SDK1: variants seen among roughly 807,000 people sequenced by gnomAD.
SDK1 encodes protein sidekick-1.
A neutral mutation model predicts 245.5 loss-of-function variants in SDK1; 157 were observed. The ratio of observed to expected loss-of-function variants is 0.64; its 90% CI spans 0.56 to 0.73. The LOEUF (loss-of-function observed/expected upper bound fraction) is 0.73. Ranked by LOEUF, SDK1 falls within the 30% of genes least tolerant of loss-of-function variation. The pLI, the probability that SDK1 is intolerant of heterozygous loss-of-function variation, is 0.00. For missense variants in SDK1, 3,583 were observed against 3,002.3 expected, an observed-to-expected ratio of 1.19 and a Z score of -4.52; for synonymous variants, 1,647 against 1,278.5, an observed-to-expected ratio of 1.29 and a Z score of -6.15.
chr7:3,310,039 C>A (rs1779513626), intron 1 of SDK1, among the ~76,000 whole-genome samples: 1 of 152,160 alleles, frequency 6.6e-6, no homozygotes, highest in South Asian at 2.1e-4. Context: ...TCACTTCCAC[C>A]TAGGGAATAA....
intron 1 of SDK1, among the ~76,000 whole-genome samples, chr7:3,552,073 C>T (rs1049073503): frequency 1.3e-5 from 2 of 151,686 alleles, no homozygotes. Context: ...GAGCCTCGCT[C>T]TGTCGCCCAG....
intron 1 of SDK1, among the ~76,000 whole-genome samples, chr7:3,312,167 A>G (rs1182513340): frequency 6.6e-6 from 1 of 152,212 alleles, no homozygotes. Context: ...ATTCAAATTT[A>G]ACATTTCTTA....
chr7:3,953,170 GAA>G (rs35344518), intron 7 of SDK1, among the ~76,000 whole-genome samples: 6 of 135,596 alleles, frequency 4.4e-5, no homozygotes, highest in African/African-American at 1.4e-4. Flanking sequence ...GCAAAATAAG[GAA>G]AAAAAAAAAA....
At chr7:4,214,045 CT>C (rs1204539894) in intron 38 of SDK1, among the ~76,000 whole-genome samples, 2 of 152,176 alleles carry the variant, frequency 1.3e-5, no homozygotes, top group Non-Finnish European at 2.9e-5. Context: ...TACCTTGTGG[CT>C]GCAGCTTTTC....
At chr7:3,554,596 G>C (rs1008448044) in intron 1 of SDK1, among the ~76,000 whole-genome samples, 13 of 152,248 alleles carry the variant, frequency 8.5e-5, no homozygotes, top group Admixed American at 6.5e-4. Context: ...TAAGAACCAA[G>C]AATCAGGTGA....
chr7:4,197,840 ACTG>A (rs1259146972), intron 35 of SDK1, among the ~76,000 whole-genome samples: 9 of 152,136 alleles, frequency 5.9e-5, no homozygotes, highest in African/African-American at 2.2e-4. Context: ...ACCCCCACCC[ACTG>A]CTTGCGGTGG....
chr7:4,132,092 G>A (rs1367282702), intron 27 of SDK1, among the ~76,000 whole-genome samples: 2 of 152,176 alleles, frequency 1.3e-5, no homozygotes, highest in Non-Finnish European at 2.9e-5. Flanking sequence ...TTGAGTCTTG[G>A]AAAGCAGACG....
chr7:4,106,114 T>C (rs971523364), intron 22 of SDK1, among the ~76,000 whole-genome samples: 9 of 152,078 alleles, frequency 5.9e-5, no homozygotes, highest in African/African-American at 2.2e-4. Context: ...CCTGAAACTG[T>C]TTTATGCTCA....
chr7:3,745,860 TG>T (rs1179558760), intron 4 of SDK1, among the ~76,000 whole-genome samples: 1 of 152,200 alleles, frequency 6.6e-6, no homozygotes, highest in Non-Finnish European at 1.5e-5. Context: ...AATAATGGAT[TG>T]AAACTATTAA....
chr7:4,129,562 A>C, intron 26 of SDK1: 1 of 742,624 alleles, frequency 1.3e-6, no homozygotes, highest in Non-Finnish European at 1.8e-6. Flanking sequence ...CTCCTGTGGC[A>C]GGAAGCAGAG....
chr7:3,849,189 C>A (rs1399280253), intron 5 of SDK1, among the ~76,000 whole-genome samples: 1 of 152,176 alleles, frequency 6.6e-6, no homozygotes, highest in Non-Finnish European at 1.5e-5. Flanking sequence ...TTGAACAAAT[C>A]CCCTGGCCTG....
At chr7:3,982,786 G>A (rs1430302732) in intron 13 of SDK1, among the ~76,000 whole-genome samples, 1 of 151,900 alleles carries the variant, frequency 6.6e-6, no homozygotes, top group Non-Finnish European at 1.5e-5. Flanking sequence ...CTTGCAGTGA[G>A]CTGAGATCGT....
chr7:3,646,571 G>A (rs906661544), intron 4 of SDK1, among the ~76,000 whole-genome samples: 3 of 152,084 alleles, frequency 2.0e-5, no homozygotes, highest in Admixed American at 6.5e-5. Flanking sequence ...CAGAGCCAGG[G>A]TTCACACCCG....
chr7:3,918,669 A>G (rs1779474065), intron 5 of SDK1, among the ~76,000 whole-genome samples: 1 of 152,214 alleles, frequency 6.6e-6, no homozygotes, highest in African/African-American at 2.4e-5. Context: ...CGACATTGGT[A>G]GAAAAACTGT....
chr7:3,378,188 G>C (rs557722950), intron 1 of SDK1, among the ~76,000 whole-genome samples: 3 of 152,246 alleles, frequency 2.0e-5, no homozygotes, highest in African/African-American at 7.2e-5. Flanking sequence ...TCTTTCGGGG[G>C]CTACAATTAA....
intron 13 of SDK1, among the ~76,000 whole-genome samples, chr7:3,986,453 G>C (rs1783833313): frequency 1.3e-5 from 2 of 152,334 alleles, no homozygotes; most frequent in South Asian, 4.1e-4. Context: ...TAAATGGCTA[G>C]TGTTGGAAAC....
intron 1 of SDK1, among the ~76,000 whole-genome samples, chr7:3,322,306 G>T (rs945722907): frequency 6.6e-6 from 1 of 152,102 alleles, no homozygotes; most frequent in Non-Finnish European, 1.5e-5. Context: ...GTTGTGTTTT[G>T]TCATTACATC....
At chr7:3,630,701 G>A (rs73039639) in intron 2 of SDK1, among the ~76,000 whole-genome samples, 30,187 of 152,116 alleles carry the variant, frequency 0.2, 3,408 homozygotes, top group South Asian at 0.35. Flanking sequence ...CACAGGGTCT[G>A]TAAGGTCTTT....
intron 44 of SDK1, among the ~76,000 whole-genome samples, chr7:4,261,170 A>G (rs1787977767): frequency 6.6e-6 from 1 of 152,082 alleles, no homozygotes; most frequent in African/African-American, 2.4e-5. Context: ...CCACTCTCAC[A>G]GGGCTCCGGG....
Sources: allele counts gnomAD v4.1 joint callset (sites outside exome capture counted in the v4.1 genomes callset), GRCh38; gene constraint gnomAD v4.1.1; transcripts MANE v1.5; gene names NCBI Gene and HGNC (gene_info 2026-07-23, HGNC 2026-07-21).